Variants in CPPED1 observed in about 807,000 individuals in gnomAD.
The protein encoded by CPPED1 is calcineurin like phosphoesterase domain containing 1, also known as serine/threonine-protein phosphatase CPPED1.
CPPED1 carries 28 observed loss-of-function variants against 28.0 expected under a neutral mutation model. The ratio of observed to expected loss-of-function variants is 1.00; its 90% CI spans 0.74 to 1.37. The LOEUF is 1.37. Among genes scored for constraint, CPPED1 ranks in the 40% most tolerant of loss-of-function variants. The pLI is 0.00. For synonymous variants in CPPED1, 198 were observed against 180.2 expected, an observed-to-expected ratio of 1.10 and a Z score of -0.79; for missense variants, 504 against 416.5, an observed-to-expected ratio of 1.21 and a Z score of -1.83.
intron 2 of CPPED1, among the ~76,000 whole-genome samples, chr16:12,776,201 T>A (rs1307833775): frequency 1.3e-5 from 2 of 152,120 alleles, no homozygotes; most frequent in Non-Finnish European, 2.9e-5. Flanking sequence ...GCAATGCTGC[T>A]GGCTTTGAAG....
At position 12,704,551 on chromosome 16, in the gene CPPED1, C is replaced by T. The variant is rs550379364; in HGVS notation, c.715+73G>A. 116 of 1,448,858 alleles carry T rather than the reference C, an allele frequency of 8.0e-5. 2 individuals are homozygous for T. Among genetic ancestry groups the T allele is most frequent in the African/African-American group, 6.3e-4 (45 of 71,072 alleles). 89.8% of individuals were successfully genotyped at this position (1,448,858 alleles called of 1,614,324 possible). ...CCCTTTTTGACACATTGCAGAGAGA[C>T]GGGAGAAAGATCTGGAAATGCCCTC... On this transcript the variant is annotated intron_variant, in intron 3 of 3. Coordinates refer to ENST00000381774, the MANE Select transcript of CPPED1 (RefSeq NM_018340.3).
chr16:12,711,880 T>C (rs1268592531), intron 2 of CPPED1, among the ~76,000 whole-genome samples: 2 of 152,200 alleles, frequency 1.3e-5, no homozygotes, highest in African/African-American at 2.4e-5. Flanking sequence ...GTATGTAGTA[T>C]GTGCATACCT....
At chr16:12,722,505 A>G (rs988473085) in intron 2 of CPPED1, among the ~76,000 whole-genome samples, 2 of 152,228 alleles carry the variant, frequency 1.3e-5, no homozygotes, top group Non-Finnish European at 2.9e-5. Context: ...TGGGAGGCCA[A>G]GGAAAGCGGA....
intron 2 of CPPED1, among the ~76,000 whole-genome samples, chr16:12,713,996 T>C (rs75623242): frequency 0.034 from 5,153 of 152,258 alleles, 131 homozygotes; most frequent in East Asian, 0.1. Context: ...TATAGATTTC[T>C]CCACTCCAGG....
intron 2 of CPPED1, among the ~76,000 whole-genome samples, chr16:12,714,072 G>A (rs1357329384): frequency 2.0e-5 from 3 of 152,126 alleles, no homozygotes; most frequent in Non-Finnish European, 2.9e-5. Flanking sequence ...TTTGCATGAT[G>A]TTTTCAAGGT....
chr16:12,732,914 G>C (rs1359158437), intron 2 of CPPED1, among the ~76,000 whole-genome samples: 3 of 152,170 alleles, frequency 2.0e-5, no homozygotes, highest in South Asian at 4.1e-4. Flanking sequence ...TCCAACATGA[G>C]AGAGAAGCAC....
chr16:12,783,106 C>T (rs2080542107), intron 1 of CPPED1, among the ~76,000 whole-genome samples: 2 of 152,132 alleles, frequency 1.3e-5, no homozygotes, highest in African/African-American at 2.4e-5. Flanking sequence ...GCTGTCCTCG[C>T]ACTCAGTGCT....
At chr16:12,778,377 G>A (rs1289524438) in intron 2 of CPPED1, among the ~76,000 whole-genome samples, 1 of 148,314 alleles carries the variant, frequency 6.7e-6, no homozygotes. Flanking sequence ...CTGGGTTCAA[G>A]CGATTCTCCT....
chr16:12,663,895 C>T lies in CPPED1; in HGVS notation c.*991G>A, dbSNP rs560942390. On this transcript the variant is annotated 3_prime_UTR_variant, in exon 4 of 4. Transcript: ENST00000381774. The stretch of plus-strand genomic sequence containing the variant: ...AAAAAACAATGCTGGTTTGAAATAA[C>T]CTATGCGCTTTTGTCAAGGGATTTT... The T allele has an allele frequency of 1.3e-5, 2 of 152,312 alleles. No homozygotes were observed. The highest frequency in any genetic ancestry group is 2.4e-5 in the African/African-American group (1 of 41,568). 9.4% of individuals were successfully genotyped at this position (152,312 alleles called of 1,614,324 possible).
intron 2 of CPPED1, among the ~76,000 whole-genome samples, chr16:12,733,420 G>A (rs1324584386): frequency 2.6e-5 from 4 of 151,852 alleles, no homozygotes; most frequent in Non-Finnish European, 5.9e-5. Context: ...GATTACAGGC[G>A]CCCGCCACCA....
chr16:12,791,039 CCAT>C (rs2141244444), intron 1 of CPPED1, among the ~76,000 whole-genome samples: 1 of 149,518 alleles, frequency 6.7e-6, no homozygotes, highest in Non-Finnish European at 1.5e-5. Context: ...ACAGGCAAAT[CCAT>C]CATCTTTTTT....
intron 3 of CPPED1, among the ~76,000 whole-genome samples, chr16:12,701,893 C>A (rs538082680): frequency 1.3e-5 from 2 of 152,156 alleles, no homozygotes; most frequent in Admixed American, 1.3e-4. Context: ...GATTCCAGCG[C>A]CTGATGTCAC....
intron 2 of CPPED1, among the ~76,000 whole-genome samples, chr16:12,727,025 C>G (rs1227927209): frequency 6.6e-6 from 1 of 152,022 alleles, no homozygotes; most frequent in Non-Finnish European, 1.5e-5. Flanking sequence ...TTTCTAAGGA[C>G]CATCCTCACA....
intron 1 of CPPED1, among the ~76,000 whole-genome samples, chr16:12,786,008 G>A (rs570720473): frequency 2.0e-5 from 3 of 151,802 alleles, no homozygotes; most frequent in East Asian, 1.9e-4. Context: ...TTAAATATGA[G>A]ATTACTCGGT....
At chr16:12,688,563 T>C (rs1394924136) in intron 3 of CPPED1, among the ~76,000 whole-genome samples, 1 of 152,126 alleles carries the variant, frequency 6.6e-6, no homozygotes, top group Admixed American at 6.6e-5. Flanking sequence ...GGTCTCGAAC[T>C]CCGACCTCAG....
At chr16:12,753,001 T>G (rs1030704376) in intron 2 of CPPED1, 6 of 151,970 alleles carry the variant, frequency 3.9e-5, no homozygotes, top group Admixed American at 6.6e-5. Flanking sequence ...ATTCATAAAC[T>G]GAAGACCGAT....
chr16:12,707,393 G>A (rs1407168835), intron 2 of CPPED1, among the ~76,000 whole-genome samples: 1 of 152,180 alleles, frequency 6.6e-6, no homozygotes, highest in Non-Finnish European at 1.5e-5. Context: ...CAGTGGAGGA[G>A]TGGGGATTTG....
At chr16:12,759,290 C>T (rs1034518228) in intron 2 of CPPED1, 3 of 152,246 alleles carry the variant, frequency 2.0e-5, no homozygotes, top group East Asian at 1.9e-4. Context: ...CACAGAGCCC[C>T]GCTTGATGGC....
chr16:12,695,475 T>G (rs1314076755), intron 3 of CPPED1, among the ~76,000 whole-genome samples: 2 of 152,124 alleles, frequency 1.3e-5, no homozygotes, highest in East Asian at 3.9e-4. Flanking sequence ...CTCACTATGT[T>G]GCCTGGGCTA....
Sources: gnomAD v4.1 joint callset for allele counts (sites outside exome capture counted in the v4.1 genomes callset) on GRCh38, gnomAD v4.1.1 for gene constraint, MANE v1.5 for transcripts, NCBI Gene and HGNC (gene_info 2026-07-23, HGNC 2026-07-21) for gene names.